Variants in FSTL4 observed in about 807,000 individuals in gnomAD.
The protein encoded by FSTL4 is follistatin-related protein 4.
A neutral mutation model predicts 78.2 loss-of-function variants in FSTL4; 28 were observed. The observed-to-expected ratio is 0.36, with a 90% CI of 0.27 to 0.49. The LOEUF (loss-of-function observed/expected upper bound fraction) is 0.49, where lower values mean the gene tolerates loss of function less well. Ranked by LOEUF, FSTL4 falls within the 20% of genes least tolerant of loss-of-function variation. The probability of loss-of-function intolerance (pLI) is 0.98; values close to 1 mark genes in which losing one functional copy is unlikely to be tolerated. For missense variants in FSTL4, 922 were observed against 1,084.9 expected, an observed-to-expected ratio of 0.85 and a Z score of 2.11; for synonymous variants, 422 against 440.5, an observed-to-expected ratio of 0.96 and a Z score of 0.53.
the FSTL4 span, among the ~76,000 whole-genome samples, chr5:133,674,587 G>A: frequency 2.3e-5 from 1 of 43,038 alleles, no homozygotes. Context: ...ACTTCCATAT[G>A]TGTGTGTGTG....
At chr5:133,301,165 G>A (rs1287102599) in intron 6 of FSTL4, among the ~76,000 whole-genome samples, 1 of 152,114 alleles carries the variant, frequency 6.6e-6, no homozygotes, top group African/African-American at 2.4e-5. Flanking sequence ...GCCCACCCCA[G>A]AGTCACACAT....
At chr5:133,787,225 T>A in the FSTL4 span, among the ~76,000 whole-genome samples, 1 of 142,318 alleles carries the variant, frequency 7.0e-6, no homozygotes, top group Non-Finnish European at 1.5e-5. Context: ...TACGGTTCAC[T>A]ATTTATTTAG....
chr5:133,532,016 T>G (rs1759264819), intron 3 of FSTL4, among the ~76,000 whole-genome samples: 1 of 152,192 alleles, frequency 6.6e-6, no homozygotes, highest in Admixed American at 6.5e-5. Context: ...AAACGGACTT[T>G]ACAGAAGTGA....
chr5:133,481,660 G>A (rs532022303), intron 3 of FSTL4, among the ~76,000 whole-genome samples: 355 of 152,050 alleles, frequency 2.3e-3, no homozygotes, highest in African/African-American at 8.3e-3. Flanking sequence ...TTTATTGAGT[G>A]CTCACTATGT....
At chr5:133,478,721 T>C (rs1350209234) in intron 3 of FSTL4, among the ~76,000 whole-genome samples, 2 of 152,152 alleles carry the variant, frequency 1.3e-5, no homozygotes, top group Non-Finnish European at 2.9e-5. Flanking sequence ...GCTTTCTACA[T>C]GGCCAGATAA....
At chr5:133,560,167 G>A (rs760167464) in intron 3 of FSTL4, among the ~76,000 whole-genome samples, 2 of 152,224 alleles carry the variant, frequency 1.3e-5, no homozygotes, top group African/African-American at 2.4e-5. Flanking sequence ...GAGTGGCGCT[G>A]TGGCTCTTGG....
the FSTL4 span, among the ~76,000 whole-genome samples, chr5:133,750,458 T>C: frequency 6.6e-6 from 1 of 152,002 alleles, no homozygotes; most frequent in African/African-American, 2.4e-5. Flanking sequence ...CTCCCTCCCA[T>C]CACAGCCCAG....
chr5:133,241,069 TTC>T (rs1751857213), intron 7 of FSTL4, among the ~76,000 whole-genome samples: 1 of 152,196 alleles, frequency 6.6e-6, no homozygotes. Flanking sequence ...CTGGGTGAGC[TTC>T]TCTGGGAAAT....
At chr5:133,380,410 G>A (rs1284155179) in intron 4 of FSTL4, among the ~76,000 whole-genome samples, 4 of 152,024 alleles carry the variant, frequency 2.6e-5, no homozygotes, top group Non-Finnish European at 5.9e-5. Flanking sequence ...GTATGAACAA[G>A]TATATGCCAA....
chr5:133,383,558 C>T (rs1225728815), intron 4 of FSTL4, among the ~76,000 whole-genome samples: 1 of 152,210 alleles, frequency 6.6e-6, no homozygotes, highest in East Asian at 1.9e-4. Context: ...AGTCATGTAC[C>T]TGCCTGTCTG....
chr5:133,379,886 C>G (rs1240003748), intron 4 of FSTL4, among the ~76,000 whole-genome samples: 4 of 151,750 alleles, frequency 2.6e-5, no homozygotes, highest in Non-Finnish European at 5.9e-5. Flanking sequence ...ACCATCCTGG[C>G]CAACATGGTG....
At chr5:133,298,089 G>C (rs1466101154) in intron 6 of FSTL4, among the ~76,000 whole-genome samples, 2 of 152,210 alleles carry the variant, frequency 1.3e-5, no homozygotes, top group Admixed American at 1.3e-4. Flanking sequence ...ACCCTGCCCT[G>C]TAACTCTCTA....
intron 11 of FSTL4, among the ~76,000 whole-genome samples, chr5:133,223,331 G>C (rs1057262651): frequency 6.6e-6 from 1 of 152,206 alleles, no homozygotes; most frequent in Non-Finnish European, 1.5e-5. Flanking sequence ...GTATGTGTCT[G>C]CATGCATATG....
At chr5:133,616,310 A>AATCTAAATCTATCT (rs1554073700), upstream of FSTL4, among the ~76,000 whole-genome samples, 7 of 147,162 alleles carry the variant, frequency 4.8e-5, no homozygotes, top group Non-Finnish European at 1.0e-4. Flanking sequence ...TGAAAATCTA[A>AATCTAAATCTATCT]ATCTATCTAT....
chr5:133,553,714 C>T (rs976025796), intron 3 of FSTL4, among the ~76,000 whole-genome samples: 6 of 152,246 alleles, frequency 3.9e-5, no homozygotes, highest in African/African-American at 7.2e-5. Flanking sequence ...ATATAATCTC[C>T]GATCCCCTAA....
intron 3 of FSTL4, among the ~76,000 whole-genome samples, chr5:133,515,195 T>C (rs1580758921): frequency 6.6e-6 from 1 of 152,176 alleles, no homozygotes; most frequent in Admixed American, 6.5e-5. Context: ...AAGTCTTTCA[T>C]TGGTTGGCTC....
At chr5:133,249,597 G>T (rs1475139805) in intron 6 of FSTL4, 21 bp from the exon 7 acceptor site, 3 of 1,598,850 alleles carry the variant, frequency 1.9e-6, no homozygotes, top group Middle Eastern at 3.4e-4. Context: ...AAAGGAGGAG[G>T]CACGGTCAGG....
At chr5:133,572,641 T>C (rs1760184755) in intron 2 of FSTL4, among the ~76,000 whole-genome samples, 1 of 152,036 alleles carries the variant, frequency 6.6e-6, no homozygotes, top group Admixed American at 6.5e-5. Flanking sequence ...ACCATAAAAA[T>C]ACATTTCGGC....
chr5:133,603,245 C>T (rs979419682), intron 2 of FSTL4, among the ~76,000 whole-genome samples: 8 of 152,152 alleles, frequency 5.3e-5, no homozygotes, highest in African/African-American at 1.9e-4. Context: ...ATCCTCTTTA[C>T]TACATAAGAC....
Sources: allele counts gnomAD v4.1 joint callset (sites outside exome capture counted in the v4.1 genomes callset), GRCh38; gene constraint gnomAD v4.1.1; transcripts MANE v1.5; gene names NCBI Gene and HGNC (gene_info 2026-07-23, HGNC 2026-07-21).